Variants in USP42 observed in about 807,000 individuals in gnomAD.
USP42 encodes ubiquitin specific peptidase 42, also known as ubiquitin carboxyl-terminal hydrolase 42.
Under a neutral mutation model 113.0 loss-of-function variants are expected in USP42, and 23 were observed. The ratio of observed to expected loss-of-function variants is 0.20; its 90% CI spans 0.15 to 0.29. The LOEUF (loss-of-function observed/expected upper bound fraction) is 0.29, where lower values mean the gene tolerates loss of function less well. Among genes scored for constraint, USP42 ranks in the 10% least tolerant of loss-of-function variants. USP42 has a pLI of 1.00. For missense variants in USP42, 2,174 were observed against 1,779.8 expected (o/e 1.22, Z -3.99); for synonymous variants, 933 against 699.0 (o/e 1.33, Z -5.28).
rs569864999 is a variant in USP42 at position 6,154,522 on chromosome 7, C to T, written c.2968C>T (p.Arg990Cys). Residue 990 changes from arginine to cysteine, a missense_variant, in exon 15 of 18, where the codon CGC becomes TGC. Transcript: ENST00000306177. ...CCGCACCTGCCCCCGGGAGCGCGAC[C>T]GCCAGGACCGCCACGCCCCGGAGCA... is the stretch of plus-strand genomic sequence containing the variant. ...RRRTCPRERD[R>C]QDRHAPEHHP... is the part of the protein sequence containing the mutation. 259 of 1,541,542 alleles carry T rather than the reference C, an allele frequency of 1.7e-4. 2 individuals carry two copies. The South Asian group carries it at 3.0e-3, about 18-fold the overall frequency.
At chr7:6,114,338 A>T (rs1779759575) in intron 2 of USP42, among the ~76,000 whole-genome samples, 1 of 152,022 alleles carries the variant, frequency 6.6e-6, no homozygotes, top group Non-Finnish European at 1.5e-5. Context: ...TGTATTATTT[A>T]TTTTTTAAAT....
At chr7:6,111,603 A>G (rs1426998565) in intron 2 of USP42, among the ~76,000 whole-genome samples, 1 of 137,866 alleles carries the variant, frequency 7.3e-6, no homozygotes, top group Admixed American at 7.3e-5. Flanking sequence ...TTTTATTCCA[A>G]TTTTTTTTTT....
the USP42 span, among the ~76,000 whole-genome samples, chr7:6,082,230 G>A: frequency 6.6e-6 from 1 of 151,516 alleles, no homozygotes; most frequent in Non-Finnish European, 1.5e-5. Context: ...CCGGGTTCAC[G>A]CCATTCTCCT....
At chr7:6,105,509 C>A (rs1297614153) in intron 1 of USP42, among the ~76,000 whole-genome samples, 3 of 140,820 alleles carry the variant, frequency 2.1e-5, no homozygotes, top group Non-Finnish European at 3.1e-5. Context: ...CGCCCCGGAG[C>A]CCCCTCAGAG....
At chr7:6,105,364 G>A (rs1282106116) in intron 1 of USP42, among the ~76,000 whole-genome samples, 1 of 148,866 alleles carries the variant, frequency 6.7e-6, no homozygotes, top group Admixed American at 6.7e-5. Context: ...CCCGGCCCCA[G>A]CCCGCCCCTT....
chr7:6,144,031 C>T, intron 8 of USP42, 54 bp from the exon 9 acceptor site: 1 of 1,194,930 alleles, frequency 8.4e-7, no homozygotes, highest in Admixed American at 3.5e-5. Flanking sequence ...CAAAATACCA[C>T]AAATTGTGTG....
In USP42 at chr7:6,154,570, C is replaced by T. The variant is rs371569035; in HGVS notation, c.3016C>T (p.Leu1006Phe). The change falls in exon 15 of 18, where the codon CTC (leucine) becomes TTC (phenylalanine). Residue 1006 changes from leucine (L) to phenylalanine (F), a missense_variant. By Grantham distance (22) the Leu-to-Phe change is conservative. Transcript: ENST00000306177. ...PEHHPGHGDR[L>F]SPGERRSLGR... ...GCACCACCCCGGCCACGGCGACAGGCTCAGCCCTGGCGAGCGCCGCTCTCT... is the reference window on the plus strand; with the variant it reads ...GCACCACCCCGGCCACGGCGACAGGTTCAGCCCTGGCGAGCGCCGCTCTCT... 4.5e-6 allele frequency: 7 copies of T among 1,558,274 alleles called. No homozygotes were observed. Among genetic ancestry groups the T allele is most frequent in the Non-Finnish European group, 6.1e-6 (7 of 1,153,898 alleles).
chr7:6,147,645 C>A, intron 11 of USP42, 94 bp from the exon 12 acceptor site: 1 of 1,411,696 alleles, frequency 7.1e-7, no homozygotes, highest in Non-Finnish European at 9.5e-7. Context: ...CATCAGGTTT[C>A]CGCCTGAGGG....
At chr7:6,100,045 G>A (rs1191799403), upstream of USP42, among the ~76,000 whole-genome samples, 2 of 129,190 alleles carry the variant, frequency 1.5e-5, no homozygotes, top group Non-Finnish European at 3.3e-5. Flanking sequence ...TAGAGACTGG[G>A]GCTCACTATG....
At chr7:6,093,626 C>A in the USP42 span, among the ~76,000 whole-genome samples, 1 of 148,742 alleles carries the variant, frequency 6.7e-6, no homozygotes, top group East Asian at 2.0e-4. Context: ...CTTCCCCCAC[C>A]CCTCCCCTCT....
At chr7:6,144,555 G>A (rs1029711435) in intron 9 of USP42, among the ~76,000 whole-genome samples, 1 of 152,104 alleles carries the variant, frequency 6.6e-6, no homozygotes, top group Non-Finnish European at 1.5e-5. Context: ...AGAAATAAAC[G>A]ATCCATTCCT....
At position 6,139,065 on chromosome 7, in the gene USP42, A is replaced by C; in HGVS notation, c.554-27A>C. On this transcript the variant is annotated intron_variant, in intron 4 of 17. Coordinates refer to ENST00000306177, the MANE Select transcript of USP42 (RefSeq NM_032172.3). This position sits in a 1 kb window ranked among gnomAD's most constrained non-coding sequence, Gnocchi z 4.5. ...TTAGGCTTATTACGTGTAATGATAAAGCCTTGTCTTTACCGAAATTTTACA... is the reference window on the plus strand; with the variant it reads ...TTAGGCTTATTACGTGTAATGATAACGCCTTGTCTTTACCGAAATTTTACA... The C allele has an allele frequency of 6.6e-7, 1 of 1,509,038 alleles. No homozygotes were observed. Among genetic ancestry groups the C allele is most frequent in the Non-Finnish European group, 9.1e-7 (1 of 1,101,598 alleles). 93.5% of individuals were successfully genotyped at this position (1,509,038 alleles called of 1,614,324 possible). A position where few individuals can be genotyped will look rare whatever the true frequency, so the allele number is the denominator to read the frequency against.
chr7:6,081,544 C>A, the USP42 span: 2 of 152,314 alleles, frequency 1.3e-5, no homozygotes, highest in African/African-American at 4.8e-5. Context: ...CCCACCCACG[C>A]GCGCGCCGCA....
the USP42 span, among the ~76,000 whole-genome samples, chr7:6,082,603 G>GTTTTTTTT: frequency 1.9e-4 from 17 of 90,196 alleles, 1 homozygote; most frequent in Admixed American, 2.9e-4. Context: ...CTTTCTTTCT[G>GTTTTTTTT]TTTTTTTTTT....
chr7:6,160,411 C>T (rs1782705980), intron 17 of USP42, 144 bp from the exon 18 acceptor site: 1 of 135,004 alleles, frequency 7.4e-6, no homozygotes, highest in South Asian at 2.2e-4. Flanking sequence ...CTCATTTCCA[C>T]TCAGGAAGGC....
In USP42 at chr7:6,154,332, C is replaced by T. The variant is rs370615204; in HGVS notation, c.2778C>T (p.Asp926=). The change falls in exon 15 of 18, where the codon GAC becomes GAT. Residue 926 remains aspartate (D), a synonymous_variant. Coordinates refer to ENST00000306177, the MANE Select transcript of USP42 (RefSeq NM_032172.3). ...CTAGCCCCGGCGAGAGGGTCGAGGA[C>T]GCCGCGGCGCCGAAAGCCCCAGGCC... The part of the protein sequence containing the change: ...AEPSPGERVE[D]AAAPKAPGPS... 23 of 1,570,756 alleles carry T rather than the reference C, an allele frequency of 1.5e-5. No individual in the cohort carries two copies. Among genetic ancestry groups the T allele is most frequent in the East Asian group, 9.5e-5 (4 of 42,112 alleles).
At chr7:6,103,015 A>T (rs1046622016), upstream of USP42, among the ~76,000 whole-genome samples, 2 of 151,122 alleles carry the variant, frequency 1.3e-5, no homozygotes, top group African/African-American at 2.5e-5. Context: ...GTAAAGGGTT[A>T]GATCACCAGG....
chr7:6,094,636 G>T, the USP42 span, among the ~76,000 whole-genome samples: 1 of 151,168 alleles, frequency 6.6e-6, no homozygotes, highest in Non-Finnish European at 1.5e-5. Context: ...GCAGGGGTCA[G>T]ACTGGTAAAT....
In USP42 at chr7:6,154,298, A is replaced by T. The variant is rs1782272130; in HGVS notation, c.2744A>T (p.Asp915Val). 1.3e-6 allele frequency: 2 copies of T among 1,586,972 alleles called. No individual in the cohort carries two copies. Among genetic ancestry groups the T allele is most frequent in the Non-Finnish European group, 8.6e-7 (1 of 1,167,568 alleles). Residue 915 changes from aspartate to valine, a missense_variant, in exon 15 of 18, where the codon GAC becomes GTC. Asp to Val is a radical substitution (Grantham distance 152, BLOSUM62 -3). Coordinates refer to ENST00000306177, the MANE Select transcript of USP42 (RefSeq NM_032172.3). ...DMAPAGHPEG[D>V]AEPSPGERVE... is the part of the protein sequence containing the mutation. ...GCCCCGGCCGGTCACCCGGAAGGGGACGCTGAGCCTAGCCCCGGCGAGAGG... is the reference window on the plus strand; with the variant it reads ...GCCCCGGCCGGTCACCCGGAAGGGGTCGCTGAGCCTAGCCCCGGCGAGAGG...
Sources: allele counts gnomAD v4.1 joint callset (sites outside exome capture counted in the v4.1 genomes callset), GRCh38; gene constraint gnomAD v4.1.1; non-coding constraint Gnocchi (gnomAD v3.1); transcripts MANE v1.5; gene names NCBI Gene and HGNC (gene_info 2026-07-23, HGNC 2026-07-21).